Variants in MTMR12 observed in about 807,000 individuals in gnomAD.
MTMR12 encodes myotubularin related protein 12, also known as myotubularin-related protein 12.
Under a neutral mutation model 96.7 loss-of-function variants are expected in MTMR12, and 33 were observed. That is an observed-to-expected ratio of 0.34 (90% CI 0.26 to 0.46). The LOEUF is 0.46. MTMR12 is among the 20% of genes least tolerant of loss of function. The pLI is 1.00. For synonymous variants in MTMR12, 298 were observed against 327.2 expected (o/e 0.91, Z 0.96); for missense variants, 721 against 896.1 (o/e 0.80, Z 2.49).
intron 5 of MTMR12, among the ~76,000 whole-genome samples, chr5:32,270,275 A>T (rs1017935280): frequency 2.6e-4 from 39 of 152,206 alleles, no homozygotes; most frequent in African/African-American, 9.4e-4. Context: ...TTCTGAGTTC[A>T]CCTAGTTGCA....
chr5:32,259,014 T>C (rs1160377882), intron 7 of MTMR12, among the ~76,000 whole-genome samples: 1 of 149,752 alleles, frequency 6.7e-6, no homozygotes, highest in African/African-American at 2.5e-5. Context: ...CAGTGAGAGG[T>C]GTGGAGGGTG....
chr5:32,236,168 ACAG>A (rs1387936279), intron 13 of MTMR12, among the ~76,000 whole-genome samples: 1 of 152,166 alleles, frequency 6.6e-6, no homozygotes, highest in Non-Finnish European at 1.5e-5. Context: ...GGCTGGGTGA[ACAG>A]CAGCAGATCA....
At chr5:32,294,152 A>G (rs1750837823) in intron 1 of MTMR12, among the ~76,000 whole-genome samples, 1 of 152,048 alleles carries the variant, frequency 6.6e-6, no homozygotes, top group Non-Finnish European at 1.5e-5. Context: ...ACTCCTGTCC[A>G]TCCAACTCAC....
intron 1 of MTMR12, among the ~76,000 whole-genome samples, chr5:32,295,888 T>C (rs1399928721): frequency 3.9e-5 from 6 of 152,092 alleles, no homozygotes; most frequent in Non-Finnish European, 1.5e-5. Context: ...GCATGGTGGC[T>C]CATTCCTGTA....
intron 10 of MTMR12, among the ~76,000 whole-genome samples, chr5:32,246,083 C>T (rs1234628375): frequency 6.6e-6 from 1 of 152,028 alleles, no homozygotes; most frequent in Non-Finnish European, 1.5e-5. Context: ...GGATTTTGAT[C>T]CCACTTATTT....
chr5:32,267,951 A>G (rs1183515080), intron 6 of MTMR12, among the ~76,000 whole-genome samples: 5 of 152,016 alleles, frequency 3.3e-5, no homozygotes, highest in African/African-American at 9.7e-5. Context: ...CTCCTGCCTC[A>G]GCCTCTCAAG....
intron 6 of MTMR12, 40 bp downstream of exon 6, chr5:32,268,661 C>CTTCT: frequency 6.4e-7 from 1 of 1,558,000 alleles, no homozygotes. Flanking sequence ...AATTGGAAGG[C>CTTCT]TTCTGCTTAC....
intron 12 of MTMR12, among the ~76,000 whole-genome samples, chr5:32,240,571 C>T (rs1359692638): frequency 1.3e-5 from 2 of 152,058 alleles, no homozygotes; most frequent in African/African-American, 2.4e-5. Context: ...AACAGATTTT[C>T]ATTTTTGTCT....
At chr5:32,256,535 T>C (rs1020895689) in intron 7 of MTMR12, among the ~76,000 whole-genome samples, 1 of 152,330 alleles carries the variant, frequency 6.6e-6, no homozygotes, top group South Asian at 2.1e-4. Flanking sequence ...CATGGTAGAA[T>C]GAAAGATCAA....
chr5:32,230,193 C>A lies in MTMR12; in HGVS notation c.1829G>T (p.Arg610Leu). The A allele has an allele frequency of 6.2e-7, 1 of 1,614,194 alleles. No homozygotes were observed. The highest frequency in any genetic ancestry group is 8.5e-7 in the Non-Finnish European group (1 of 1,180,020). The part of the protein sequence containing the change: ...NSSDELQDNF[R>L]EFYDSWHSKS... ...GCTATGCCAGCTGTCATAGAACTCT[C>A]GAAAGTTGTCTTGGAGCTCATCAGA... is the stretch of plus-strand genomic sequence containing the variant. The change falls in exon 16 of 16, where the codon CGA (arginine) becomes CTA (leucine). Residue 610 changes from arginine (R) to leucine (L), a missense_variant. Arg to Leu is a moderately radical substitution (Grantham distance 102). Coordinates refer to ENST00000382142, the MANE Select transcript of MTMR12 (RefSeq NM_001040446.3).
intron 3 of MTMR12, among the ~76,000 whole-genome samples, chr5:32,272,164 G>GCC (rs1467126912): frequency 6.6e-6 from 1 of 151,934 alleles, no homozygotes; most frequent in East Asian, 1.9e-4. Flanking sequence ...GGTGGTGGGC[G>GCC]CCTGTAGTCC....
chr5:32,270,937 C>A lies in MTMR12; in HGVS notation c.369G>T (p.Glu123Asp), dbSNP rs1462437261. The part of the protein sequence containing the change: ...CVDQIYGVFD[E>D]KKKTLFGQLK... ...GTTGTCCAAAGAGAGTTTTCTTTTT[C>A]TCATCAAACACTACAGATCAGCAAT... Residue 123 changes from glutamate (E) to aspartate (D), a missense_variant, in exon 5 of 16, where the codon GAG becomes GAT. Transcript: ENST00000382142. 1 of 1,613,144 alleles carries A rather than the reference C, an allele frequency of 6.2e-7. No individual in the cohort carries two copies. Among genetic ancestry groups the A allele is most frequent in the Non-Finnish European group, 8.5e-7 (1 of 1,179,684 alleles).
At chr5:32,276,437 A>G (rs1037478657) in intron 2 of MTMR12, among the ~76,000 whole-genome samples, 5 of 152,254 alleles carry the variant, frequency 3.3e-5, no homozygotes, top group African/African-American at 4.8e-5. Flanking sequence ...CAGTGAGAAC[A>G]TTCCAGGTTT....
chr5:32,230,331 G>A lies in MTMR12; in HGVS notation c.1691C>T (p.Ser564Phe), dbSNP rs770551685. 6.2e-7 allele frequency: 1 copy of A among 1,602,422 alleles called. No homozygotes were observed. The highest frequency in any genetic ancestry group is 8.5e-7 in the Non-Finnish European group (1 of 1,176,144). ...TGACTTAGATTGTGTAAGTGGCAAA[G>A]AAAGTTGTCGTTGATGCTTTGAGAG... ...GMRFKHQRQLSLPLTQSKSSP... is the reference protein window; with the variant it reads ...GMRFKHQRQLFLPLTQSKSSP... The change falls in exon 16 of 16, where the codon TCT (serine) becomes TTT (phenylalanine). Residue 564 changes from serine (S) to phenylalanine (F), a missense_variant. Coordinates refer to ENST00000382142, the MANE Select transcript of MTMR12 (RefSeq NM_001040446.3).
chr5:32,277,760 C>T lies in MTMR12; in HGVS notation c.82-1018G>A, dbSNP rs115209708. 7.3e-3 allele frequency among the ~76,000 whole-genome samples: 1,115 copies of T among 152,058 alleles called. 19 individuals carry two copies. Among genetic ancestry groups the T allele is most frequent in the African/African-American group, 0.025 (1,055 of 41,470 alleles). On this transcript the variant is annotated intron_variant, in intron 1 of 15. Coordinates refer to ENST00000382142, the MANE Select transcript of MTMR12 (RefSeq NM_001040446.3). ...CGCCACAGCATGATCCCCTCTCCTTCCAGTGAGGATCAAGGGTTGAAAGCA... is the reference window on the plus strand; with the variant it reads ...CGCCACAGCATGATCCCCTCTCCTTTCAGTGAGGATCAAGGGTTGAAAGCA...
chr5:32,301,149 C>T (rs1346547732), intron 1 of MTMR12, among the ~76,000 whole-genome samples: 1 of 152,058 alleles, frequency 6.6e-6, no homozygotes, highest in African/African-American at 2.4e-5. Flanking sequence ...GGGCTGGGGG[C>T]TGCAGACAGA....
At chr5:32,306,731 G>A (rs962830026) in intron 1 of MTMR12, among the ~76,000 whole-genome samples, 1 of 152,196 alleles carries the variant, frequency 6.6e-6, no homozygotes, top group Non-Finnish European at 1.5e-5. Context: ...CCGTGGGCAA[G>A]ATATTAAACT....
intron 1 of MTMR12, among the ~76,000 whole-genome samples, chr5:32,288,906 T>G (rs1356642487): frequency 6.6e-6 from 1 of 152,022 alleles, no homozygotes. Flanking sequence ...GCTGGGAGGG[T>G]CCAGAAGATA....
rs1307832214 is a variant in MTMR12 at position 32,227,322 on chromosome 5, C to CA, written c.*2455dup. On this transcript the variant is annotated 3_prime_UTR_variant, in exon 16 of 16. Coordinates refer to ENST00000382142, the MANE Select transcript of MTMR12 (RefSeq NM_001040446.3). Reference sequence around the variant, plus strand: ...TCACTGTTAAGCATAATCCACATCCCAATCTCAGATAAAAATTTCACAATA... The same window carrying CA: ...TCACTGTTAAGCATAATCCACATCCCAAATCTCAGATAAAAATTTCACAATA... 2 of 152,574 alleles carry CA rather than the reference C, an allele frequency of 1.3e-5. No individual in the cohort carries two copies. Among genetic ancestry groups the CA allele is most frequent in the Non-Finnish European group, 2.9e-5 (2 of 68,036 alleles). The allele number at this position is 152,574 out of a possible 1,614,324, so 9.5% of individuals were successfully genotyped here.
Sources: gnomAD v4.1 joint callset for allele counts (sites outside exome capture counted in the v4.1 genomes callset) on GRCh38, gnomAD v4.1.1 for gene constraint, MANE v1.5 for transcripts, NCBI Gene and HGNC (gene_info 2026-07-23, HGNC 2026-07-21) for gene names.